The following STK4 variants were observed in gnomAD, a reference collection of about 807,000 sequenced individuals.
STK4 encodes the protein serine/threonine-protein kinase 4.
A neutral mutation model predicts 64.9 loss-of-function variants in STK4; 30 were observed. The observed-to-expected ratio is 0.46, with a 90% CI of 0.35 to 0.63. The LOEUF is 0.63. Ranked by LOEUF, STK4 falls within the 20% of genes least tolerant of loss-of-function variation. STK4 has a pLI of 0.01. For missense variants in STK4, 466 were observed against 598.5 expected (o/e 0.78, Z 2.31); for synonymous variants, 177 against 199.0 (o/e 0.89, Z 0.93).
chr20:44,989,209 C>T (rs1362563976), intron 5 of STK4, among the ~76,000 whole-genome samples: 1 of 152,156 alleles, frequency 6.6e-6, no homozygotes, highest in African/African-American at 2.4e-5. Flanking sequence ...CAAAGTGGCT[C>T]ACCATTTTGT....
chr20:45,022,015 C>T (rs1319154283), intron 9 of STK4, among the ~76,000 whole-genome samples: 2 of 152,094 alleles, frequency 1.3e-5, no homozygotes, highest in African/African-American at 4.8e-5. Flanking sequence ...TAGTCAGAAC[C>T]AGAATCTAAA....
intron 6 of STK4, among the ~76,000 whole-genome samples, chr20:44,996,796 T>C (rs1234561765): frequency 6.6e-6 from 1 of 152,142 alleles, no homozygotes; most frequent in South Asian, 2.1e-4. Context: ...GTAATAACTT[T>C]TAAGAGGCAG....
At chr20:44,973,941 G>A (rs1166941268) in intron 2 of STK4, among the ~76,000 whole-genome samples, 2 of 152,196 alleles carry the variant, frequency 1.3e-5, no homozygotes, top group African/African-American at 2.4e-5. Flanking sequence ...GTATTTTTAG[G>A]TGTTGTTATA....
chr20:44,983,834 G>T (rs2067482188), intron 4 of STK4, among the ~76,000 whole-genome samples: 1 of 152,084 alleles, frequency 6.6e-6, no homozygotes, highest in Non-Finnish European at 1.5e-5. Flanking sequence ...TAAGGTGAGG[G>T]TGTTTTAAAA....
intron 10 of STK4, among the ~76,000 whole-genome samples, chr20:45,046,486 G>A (rs2068697354): frequency 6.6e-6 from 1 of 151,090 alleles, no homozygotes; most frequent in Admixed American, 6.6e-5. Context: ...GAAAACAAAG[G>A]TATCTATTGT....
At chr20:45,018,366 T>C (rs927587004) in intron 9 of STK4, among the ~76,000 whole-genome samples, 1 of 152,154 alleles carries the variant, frequency 6.6e-6, no homozygotes, top group Non-Finnish European at 1.5e-5. Flanking sequence ...GTTGACCATA[T>C]TGGTTTACTT....
chr20:44,988,616 A>G (rs1281628971), intron 5 of STK4, among the ~76,000 whole-genome samples: 2 of 146,770 alleles, frequency 1.4e-5, no homozygotes, highest in African/African-American at 5.1e-5. Flanking sequence ...TTACCCAATA[A>G]TGACTTACAG....
intron 10 of STK4, among the ~76,000 whole-genome samples, chr20:45,036,142 C>T (rs1049222648): frequency 6.6e-6 from 1 of 152,158 alleles, no homozygotes; most frequent in African/African-American, 2.4e-5. Flanking sequence ...TGTGAGGTAG[C>T]ACACATGTAA....
chr20:44,983,439 A>G (rs13037444), intron 4 of STK4, among the ~76,000 whole-genome samples: 38,099 of 152,076 alleles, frequency 0.25, 5,540 homozygotes, highest in Middle Eastern at 0.42. Flanking sequence ...TCGTCTCTAC[A>G]AAAGAAAAAA....
At chr20:45,053,101 C>T in intron 10 of STK4, 2 of 1,612,430 alleles carry the variant, frequency 1.2e-6, no homozygotes, top group South Asian at 1.1e-5. Flanking sequence ...TAGCCAAGAA[C>T]AGCAGTCTGG....
Position 44,967,851 on chromosome 20 carries a change from A to G in STK4, c.35+1248A>G, listed in dbSNP as rs75628143. On this transcript the variant is annotated intron_variant, in intron 1 of 10. Transcript: ENST00000372806. ...TGCTGAGACTGTAATAGTAATGATT[A>G]TTACACTCATATTGCACTTACCGGG... Among the ~76,000 whole-genome samples, 1,253 of 152,286 alleles carry G rather than the reference A, an allele frequency of 8.2e-3. 20 individuals are homozygous for G. Among genetic ancestry groups the G allele is most frequent in the African/African-American group, 0.029 (1,204 of 41,562 alleles).
At chr20:45,037,607 TTGGCTTTTTG>T (rs2068548007) in intron 10 of STK4, among the ~76,000 whole-genome samples, 1 of 152,244 alleles carries the variant, frequency 6.6e-6, no homozygotes, top group African/African-American at 2.4e-5. Context: ...AGCCATTCAG[TTGGCTTTTTG>T]TGGTAAGGAA....
intron 10 of STK4, among the ~76,000 whole-genome samples, chr20:45,049,164 G>A (rs1370330845): frequency 6.6e-6 from 1 of 152,134 alleles, no homozygotes; most frequent in African/African-American, 2.4e-5. Flanking sequence ...ACATTGCAGA[G>A]CATTGGATCA....
At position 45,074,837 on chromosome 20, in the gene STK4, A is replaced by G. The variant is rs554881688; in HGVS notation, c.1306-181A>G. ...GATAAATTATCTCAGACAAGCTTCA[A>G]GGTATGCCATGCTTTGGAATGAATT... On this transcript the variant is annotated intron_variant, in intron 10 of 10. Coordinates refer to ENST00000372806, the MANE Select transcript of STK4 (RefSeq NM_006282.5). Among the ~76,000 whole-genome samples, 5 of 152,290 alleles carry G rather than the reference A, an allele frequency of 3.3e-5. No individual in the cohort carries two copies. The East Asian group carries it at 9.7e-4, about 29-fold the overall frequency.
intron 5 of STK4, among the ~76,000 whole-genome samples, chr20:44,994,690 T>A (rs1443973058): frequency 6.6e-6 from 1 of 152,148 alleles, no homozygotes; most frequent in African/African-American, 2.4e-5. Flanking sequence ...TCAAAGGATA[T>A]GAATATTTAA....
chr20:44,994,422 A>G, intron 5 of STK4, among the ~76,000 whole-genome samples: 1 of 151,862 alleles, frequency 6.6e-6, no homozygotes, highest in East Asian at 1.9e-4. Flanking sequence ...ATATAATTGT[A>G]CAACTTTTTT....
rs912912301 is a variant in STK4, at chr20:44,966,542, C to A, written c.-27C>A. The A allele has an allele frequency of 4.8e-6, 6 of 1,260,210 alleles. No individual in the cohort carries two copies. The South Asian group carries it at 1.0e-4, about 21-fold the overall frequency. The allele number at this position is 1,260,210 out of a possible 1,614,324, so 78.1% of individuals were successfully genotyped here. A position where few individuals can be genotyped will look rare whatever the true frequency, so the allele number is the denominator to read the frequency against. ...GTCCGCGGGAGGATGGAGCAGTGAG[C>A]GGGTCTGGGCGGCTGCTGGCAGCGC... On this transcript the variant is annotated 5_prime_UTR_variant, in exon 1 of 11. Transcript: ENST00000372806.
intron 10 of STK4, among the ~76,000 whole-genome samples, chr20:45,037,856 A>G (rs1460046232): frequency 6.6e-6 from 1 of 152,140 alleles, no homozygotes; most frequent in African/African-American, 2.4e-5. Flanking sequence ...TAGAAATCAG[A>G]CACTTGCTGG....
intron 10 of STK4, among the ~76,000 whole-genome samples, chr20:45,067,662 A>G (rs6073623): frequency 0.26 from 38,991 of 152,142 alleles, 5,682 homozygotes; most frequent in Middle Eastern, 0.43. Flanking sequence ...ATTCCTTTGA[A>G]TTATCTCTGT....
Sources: allele counts gnomAD v4.1 joint callset (sites outside exome capture counted in the v4.1 genomes callset), GRCh38; gene constraint gnomAD v4.1.1; transcripts MANE v1.5; gene names NCBI Gene and HGNC (gene_info 2026-07-23, HGNC 2026-07-21).